FMO1: variants seen among roughly 807,000 people sequenced by gnomAD.
The protein encoded by FMO1 is flavin-containing monooxygenase 1.
Under a neutral mutation model 45.4 loss-of-function variants are expected in FMO1, and 36 were observed. That is an observed-to-expected ratio of 0.79 (90% CI 0.61 to 1.05). The LOEUF (loss-of-function observed/expected upper bound fraction) is 1.05. Ranked by LOEUF, FMO1 falls within the 50% of genes least tolerant of loss-of-function variation. FMO1 has a pLI of 0.00. For synonymous variants in FMO1, 228 were observed against 227.2 expected, an observed-to-expected ratio of 1.00 and a Z score of -0.03; for missense variants, 615 against 640.3, an observed-to-expected ratio of 0.96 and a Z score of 0.43.
chr1:171,280,749 C>T (rs1037788508), intron 5 of FMO1, 37 bp from the exon 6 acceptor site: 1 of 1,567,228 alleles, frequency 6.4e-7, no homozygotes, highest in Admixed American at 1.7e-5. Flanking sequence ...GCCGTGTTCA[C>T]AGTGTCAAAT....
At chr1:171,275,237 T>G in intron 3 of FMO1, 109 bp from the exon 4 acceptor site, 1 of 815,514 alleles carries the variant, frequency 1.2e-6, no homozygotes, top group Non-Finnish European at 1.9e-6. Context: ...ACTTATTAAT[T>G]ATGTTTATTC....
intron 7 of FMO1, 181 bp downstream of exon 7, chr1:171,282,514 A>C: frequency 1.9e-6 from 1 of 517,796 alleles, no homozygotes; most frequent in Non-Finnish European, 3.4e-6. Context: ...TACTGCATAA[A>C]TGGTATATCA....
rs184322574 is a variant in FMO1, at chr1:171,265,239, A to C, written c.133-2304A>C. Among the ~76,000 whole-genome samples the C allele has an allele frequency of 4.0e-4, 60 of 151,712 alleles. 1 individual carries two copies. In the East Asian group the frequency reaches 0.011, roughly 28 times the overall value. On this transcript the variant is annotated intron_variant, in intron 2 of 8. Coordinates refer to ENST00000617670, the MANE Select transcript of FMO1 (RefSeq NM_001282693.2). ...CCCCGTCTCTACTAAAAATACAAAA[A>C]AATTAGCCAAGCGTGGTGGCGGGTG...
chr1:171,261,321 G>GCACATACACACA (rs1660369128), intron 2 of FMO1, among the ~76,000 whole-genome samples: 1 of 147,960 alleles, frequency 6.8e-6, no homozygotes, highest in Non-Finnish European at 1.5e-5. Context: ...ACACACACAG[G>GCACATACACACA]CACACACACA....
rs763718991 is a variant in FMO1 at position 171,285,783 on chromosome 1, C to T, written c.*239C>T. The T allele has an allele frequency of 5.8e-6, 2 of 343,702 alleles. No homozygotes were observed. The highest frequency in any genetic ancestry group is 1.0e-5 in the Non-Finnish European group (2 of 192,712). The allele number at this position is 343,702 out of a possible 1,614,324, so 21.3% of individuals were successfully genotyped here. A position where few individuals can be genotyped will look rare whatever the true frequency, so the allele number is the denominator to read the frequency against. On this transcript the variant is annotated 3_prime_UTR_variant, in exon 9 of 9. Transcript: ENST00000617670. ...GCATTTGAAGGTTGTTGGAAAGTTA[C>T]AGGTTCATTTTAGAAAGAAAGCTGT...
chr1:171,282,916 A>T (rs1482584155), intron 7 of FMO1: 2 of 407,168 alleles, frequency 4.9e-6, no homozygotes, highest in African/African-American at 4.2e-5. Context: ...AGATTCTGCT[A>T]TATCAAATAA....
At chr1:171,282,359 G>T (rs1460007107) in intron 7 of FMO1, 26 bp downstream of exon 7, 1 of 1,467,276 alleles carries the variant, frequency 6.8e-7, no homozygotes, top group South Asian at 1.2e-5. Context: ...AGCAGGGCAT[G>T]TGTTTTTGGT....
chr1:171,276,813 A>G (rs983875326), intron 4 of FMO1, among the ~76,000 whole-genome samples: 2 of 152,178 alleles, frequency 1.3e-5, no homozygotes, highest in African/African-American at 4.8e-5. Context: ...AGTTTACATC[A>G]GATTAAAATA....
chr1:171,278,533 T>C (rs1558016318), intron 4 of FMO1, among the ~76,000 whole-genome samples, 196 bp from the exon 5 acceptor site: 1 of 152,206 alleles, frequency 6.6e-6, no homozygotes, highest in South Asian at 2.1e-4. Context: ...TCTAGTGAGA[T>C]GGAGTAATAA....
At chr1:171,255,046 A>T (rs28384843) in intron 1 of FMO1, among the ~76,000 whole-genome samples, 1,663 of 152,326 alleles carry the variant, frequency 0.011, 39 homozygotes, top group African/African-American at 0.038. Flanking sequence ...CAATATAGAA[A>T]CCACGGAGTG....
chr1:171,277,379 ACTACTTTT>A (rs1661152652), intron 4 of FMO1, among the ~76,000 whole-genome samples: 2 of 152,184 alleles, frequency 1.3e-5, no homozygotes, highest in Non-Finnish European at 2.9e-5. Context: ...TCCCAAGATG[ACTACTTTT>A]ATCATTCACA....
chr1:171,255,272 C>T (rs1660101098), intron 1 of FMO1, among the ~76,000 whole-genome samples: 1 of 152,170 alleles, frequency 6.6e-6, no homozygotes, highest in Non-Finnish European at 1.5e-5. Context: ...CACCGCTGGC[C>T]ATAATTCTAA....
chr1:171,282,028 T>C lies in FMO1; in HGVS notation c.878T>C (p.Ile293Thr). The change falls in exon 7 of 9, where the codon ATC (isoleucine) becomes ACC (threonine). Residue 293 changes from isoleucine to threonine, a missense_variant. Ile to Thr is a moderately conservative substitution (Grantham distance 89). Coordinates refer to ENST00000617670, the MANE Select transcript of FMO1 (RefSeq NM_001282693.2). The stretch of plus-strand genomic sequence containing the variant: ...AATGATGAGCTCCCAGGACGCATCA[T>C]CACTGGGAAAGTGTTCATCAGGCCA... ...VLNDELPGRI[I>T]TGKVFIRPSI... 1 of 1,613,330 alleles carries C rather than the reference T, an allele frequency of 6.2e-7. No individual in the cohort carries two copies. The highest frequency in any genetic ancestry group is 1.3e-5 in the African/African-American group (1 of 74,978).
At chr1:171,257,990 A>G (rs1660231788) in intron 1 of FMO1, 92 bp from the exon 2 acceptor site, 6 of 1,471,600 alleles carry the variant, frequency 4.1e-6, no homozygotes, top group Non-Finnish European at 5.6e-6. Flanking sequence ...CAAATCGCCT[A>G]ATCTTCCAAA....
chr1:171,262,749 G>C (rs1431913448), intron 2 of FMO1, among the ~76,000 whole-genome samples: 1 of 152,004 alleles, frequency 6.6e-6, no homozygotes, highest in African/African-American at 2.4e-5. Flanking sequence ...TATCATCCTA[G>C]TGGGGTACCC....
chr1:171,254,017 C>G (rs531364177), intron 1 of FMO1: 2 of 152,280 alleles, frequency 1.3e-5, no homozygotes, highest in South Asian at 2.1e-4. Context: ...TACCTTTGGA[C>G]TAGCCAATAA....
Position 171,279,516 on chromosome 1 carries a change from C to T in FMO1, c.627+645C>T, listed in dbSNP as rs557968621. On this transcript the variant is annotated intron_variant, in intron 5 of 8. Coordinates refer to ENST00000617670, the MANE Select transcript of FMO1 (RefSeq NM_001282693.2). ...CATGTGGCAGAGCCAGTTCTCAAAC[C>T]CAAGTCTCTTTGACTCAAAGCCTAC... is the stretch of plus-strand genomic sequence containing the variant. Among the ~76,000 whole-genome samples, 3 of 152,206 alleles carry T rather than the reference C, an allele frequency of 2.0e-5. No homozygotes were observed. The East Asian group carries it at 5.8e-4, about 29-fold the overall frequency.
At chr1:171,260,021 T>C (rs986464978) in intron 2 of FMO1, among the ~76,000 whole-genome samples, 1 of 152,198 alleles carries the variant, frequency 6.6e-6, no homozygotes, top group East Asian at 1.9e-4. Flanking sequence ...GAAGAGGTAG[T>C]GTGTGATGGA....
chr1:171,250,419 T>A (rs902669632), intron 1 of FMO1, among the ~76,000 whole-genome samples: 1 of 152,266 alleles, frequency 6.6e-6, no homozygotes, highest in African/African-American at 2.4e-5. Context: ...AGAATCACTG[T>A]GCTTCTTCAA....
Sources: allele counts gnomAD v4.1 joint callset (sites outside exome capture counted in the v4.1 genomes callset), GRCh38; gene constraint gnomAD v4.1.1; transcripts MANE v1.5; gene names NCBI Gene and HGNC (gene_info 2026-07-23, HGNC 2026-07-21).